PPP4R2: variants seen among roughly 807,000 people sequenced by gnomAD.
PPP4R2 encodes serine/threonine-protein phosphatase 4 regulatory subunit 2.
A neutral mutation model predicts 47.2 loss-of-function variants in PPP4R2; 13 were observed. That is an observed-to-expected ratio of 0.28 (90% CI 0.18 to 0.44). PPP4R2 has a LOEUF of 0.44. PPP4R2 is among the 20% of genes least tolerant of loss of function. The probability of loss-of-function intolerance (pLI) is 1.00; values close to 1 mark genes in which losing one functional copy is unlikely to be tolerated. For missense variants in PPP4R2, 421 were observed against 491.2 expected, an observed-to-expected ratio of 0.86 and a Z score of 1.35; for synonymous variants, 151 against 163.3, an observed-to-expected ratio of 0.92 and a Z score of 0.57.
intron 2 of PPP4R2, 62 bp from the exon 3 acceptor site, chr3:73,047,124 T>C: frequency 1.1e-6 from 1 of 934,168 alleles, no homozygotes; most frequent in Non-Finnish European, 1.6e-6. Context: ...TATATTTGTG[T>C]TTTGTGTTCA....
intron 2 of PPP4R2, among the ~76,000 whole-genome samples, chr3:73,046,825 G>A (rs1702496464): frequency 6.6e-6 from 1 of 152,188 alleles, no homozygotes; most frequent in South Asian, 2.1e-4. Flanking sequence ...TGACTTAATA[G>A]GATAGTGTAA....
chr3:73,010,348 C>T (rs1000267381), intron 2 of PPP4R2, among the ~76,000 whole-genome samples: 7 of 151,860 alleles, frequency 4.6e-5, no homozygotes, highest in Non-Finnish European at 7.4e-5. Flanking sequence ...TCAGCCCCCG[C>T]CCGCAGTAGC....
chr3:72,998,299 A>G (rs1701392154), intron 2 of PPP4R2, 141 bp downstream of exon 2: 1 of 560,976 alleles, frequency 1.8e-6, no homozygotes, highest in Non-Finnish European at 3.1e-6. Context: ...TAATTTATAT[A>G]TTTACATTTA....
chr3:73,006,120 GCTT>G (rs1409490472), intron 2 of PPP4R2, among the ~76,000 whole-genome samples: 3 of 151,344 alleles, frequency 2.0e-5, no homozygotes, highest in African/African-American at 4.9e-5. Context: ...GTATTCTTTG[GCTT>G]CTTCTATTCA....
rs1474385471 is a variant in PPP4R2, at chr3:73,066,647, C to A, written c.*925C>A. The A allele has an allele frequency of 1.3e-5, 2 of 152,130 alleles. No individual in the cohort carries two copies. The highest frequency in any genetic ancestry group is 3.9e-4 in the East Asian group (2 of 5,178). 9.4% of individuals were successfully genotyped at this position (152,130 alleles called of 1,614,324 possible). A position where few individuals can be genotyped will look rare whatever the true frequency, so the allele number is the denominator to read the frequency against. ...CAGAAGAACCAAGTAGGTTCCTTGA[C>A]CTTTTGCTTGCTTTTCTGAACATTG... On this transcript the variant is annotated 3_prime_UTR_variant, in exon 9 of 9. Coordinates refer to ENST00000356692, the MANE Select transcript of PPP4R2 (RefSeq NM_174907.4).
intron 2 of PPP4R2, among the ~76,000 whole-genome samples, chr3:73,003,898 CTG>C (rs1215667252): frequency 6.6e-6 from 1 of 152,154 alleles, no homozygotes; most frequent in East Asian, 1.9e-4. Context: ...CGGGGTTTCT[CTG>C]TGATGGCTGG....
rs564748716 is a variant in PPP4R2, at chr3:73,064,717, T to G, written c.639-135T>G. 9 of 769,272 alleles carry G rather than the reference T, an allele frequency of 1.2e-5. No homozygotes were observed. In the East Asian group the frequency reaches 2.0e-4, roughly 17 times the overall value. The allele number at this position is 769,272 out of a possible 1,614,324, so 47.7% of individuals were successfully genotyped here. A position where few individuals can be genotyped will look rare whatever the true frequency, so the allele number is the denominator to read the frequency against. On this transcript the variant is annotated intron_variant, in intron 7 of 8. Transcript: ENST00000356692. ...TTTACCTTGAAATTATTCTCTTGTG[T>G]TTTTCTTTGTTCAGGTGTTATAATT... is the stretch of plus-strand genomic sequence containing the variant.
At chr3:73,053,901 A>C in intron 3 of PPP4R2, among the ~76,000 whole-genome samples, 1 of 115,218 alleles carries the variant, frequency 8.7e-6, no homozygotes, top group African/African-American at 3.7e-5. Context: ...AGAGCGAGAC[A>C]CCATCTCAAA....
At position 72,996,904 on chromosome 3, in the gene PPP4R2, T is replaced by C; in HGVS notation, c.-134T>C. ...GCACGCTTCCCCCGGCTCCCTTCGT[T>C]TCCCCCCCCCGGTCGCCTGCGTGCC... On this transcript the variant is annotated 5_prime_UTR_variant, in exon 1 of 9. Transcript: ENST00000356692. 1 of 544,402 alleles carries C rather than the reference T, an allele frequency of 1.8e-6. No homozygotes were observed. The highest frequency in any genetic ancestry group is 2.9e-6 in the Non-Finnish European group (1 of 343,402). The allele number at this position is 544,402 out of a possible 1,614,324, so 33.7% of individuals were successfully genotyped here.
intron 2 of PPP4R2, among the ~76,000 whole-genome samples, chr3:73,020,650 A>G (rs1280933140): frequency 6.9e-6 from 1 of 144,270 alleles, no homozygotes; most frequent in Non-Finnish European, 1.5e-5. Context: ...AGCCTGGGCC[A>G]CAGAGTGAGA....
chr3:73,061,034 T>G lies in PPP4R2; in HGVS notation c.393T>G (p.Val131=). The change falls in exon 5 of 9, where the codon GTT becomes GTG. Residue 131 remains valine (V), a synonymous_variant. Coordinates refer to ENST00000356692, the MANE Select transcript of PPP4R2 (RefSeq NM_174907.4). ...TTTTGTTATTGCAGAATGTGATGGTTGTTAGCTGTGTTTATCCTTCTTCAG... is the reference window on the plus strand; with the variant it reads ...TTTTGTTATTGCAGAATGTGATGGTGGTTAGCTGTGTTTATCCTTCTTCAG... The part of the protein sequence containing the change: ...FLRGVEKNVM[V]VSCVYPSSEK... 2 of 1,556,194 alleles carry G rather than the reference T, an allele frequency of 1.3e-6. No homozygotes were observed. Among genetic ancestry groups the G allele is most frequent in the Middle Eastern group, 2.0e-4 (1 of 4,926 alleles).
chr3:73,064,190 T>C, intron 7 of PPP4R2, 44 bp downstream of exon 7: 1 of 1,515,934 alleles, frequency 6.6e-7, no homozygotes, highest in Non-Finnish European at 9.0e-7. Context: ...TATTAAAAGT[T>C]AAAGTTAACA....
intron 2 of PPP4R2, among the ~76,000 whole-genome samples, chr3:73,022,892 A>G (rs892114241): frequency 1.3e-5 from 2 of 151,968 alleles, no homozygotes; most frequent in African/African-American, 4.8e-5. Flanking sequence ...CTTGGAAGAG[A>G]CATTCACTCT....
intron 7 of PPP4R2, 24 bp from the exon 8 acceptor site, chr3:73,064,828 G>C (rs1468128956): frequency 1.0e-5 from 16 of 1,549,622 alleles, no homozygotes; most frequent in Non-Finnish European, 1.3e-5. Context: ...TCTTATTAAT[G>C]ACACTTTAAA....
chr3:73,018,466 G>GTTATGT (rs1553646475), intron 2 of PPP4R2, among the ~76,000 whole-genome samples: 1 of 68,806 alleles, frequency 1.5e-5, no homozygotes, highest in Admixed American at 1.4e-4. Flanking sequence ...TGTTATGTTA[G>GTTATGT]TATCCGAAAC....
Position 73,061,038 on chromosome 3 carries a change from A to G in PPP4R2, c.397A>G (p.Ser133Gly). 6.4e-7 allele frequency: 1 copy of G among 1,555,228 alleles called. No homozygotes were observed. The highest frequency in any genetic ancestry group is 8.7e-7 in the Non-Finnish European group (1 of 1,144,882). The change falls in exon 5 of 9, where the codon AGC becomes GGC. Residue 133 changes from serine (S) to glycine (G), a missense_variant. By Grantham distance (56) the Ser-to-Gly change is moderately conservative (BLOSUM62 0). Around this residue, in one of 2 missense-constraint regions of PPP4R2, gnomAD observed 104 missense variants for 203.7 expected, o/e 0.51. Coordinates refer to ENST00000356692, the MANE Select transcript of PPP4R2 (RefSeq NM_174907.4). ...GTTATTGCAGAATGTGATGGTTGTT[A>G]GCTGTGTTTATCCTTCTTCAGAGTA... ...RGVEKNVMVV[S>G]CVYPSSEKNN...
intron 3 of PPP4R2, among the ~76,000 whole-genome samples, chr3:73,057,979 C>CA (rs1323586012): frequency 6.6e-6 from 1 of 152,104 alleles, no homozygotes; most frequent in Non-Finnish European, 1.5e-5. Flanking sequence ...GTATGGCAGA[C>CA]ACTGAAGTCT....
intron 3 of PPP4R2, among the ~76,000 whole-genome samples, chr3:73,053,245 C>A (rs1702657352): frequency 6.6e-6 from 1 of 150,600 alleles, no homozygotes; most frequent in Non-Finnish European, 1.5e-5. Context: ...CACAAACCCA[C>A]ACCCACCCAC....
At chr3:73,051,841 G>A (rs1702619733) in intron 3 of PPP4R2, among the ~76,000 whole-genome samples, 1 of 152,090 alleles carries the variant, frequency 6.6e-6, no homozygotes, top group South Asian at 2.1e-4. Flanking sequence ...TAGCCAGGAT[G>A]GTCTCGATCT....
Sources: allele counts gnomAD v4.1 joint callset (sites outside exome capture counted in the v4.1 genomes callset), GRCh38; gene constraint gnomAD v4.1.1; regional missense constraint gnomAD v4.1.1; transcripts MANE v1.5; gene names NCBI Gene and HGNC (gene_info 2026-07-23, HGNC 2026-07-21).